LPCAT2: variants seen among roughly 807,000 people sequenced by gnomAD.
LPCAT2 encodes 1-AGP acyltransferase 11.
Under a neutral mutation model 64.7 loss-of-function variants are expected in LPCAT2, and 58 were observed. The ratio of observed to expected loss-of-function variants is 0.90; its 90% CI spans 0.73 to 1.12. The LOEUF (loss-of-function observed/expected upper bound fraction) is 1.12. LPCAT2 is among the 50% of genes most tolerant of loss of function. The pLI is 0.00. For missense variants in LPCAT2, 579 were observed against 669.8 expected (o/e 0.86, Z 1.50); for synonymous variants, 252 against 245.3 (o/e 1.03, Z -0.26).
At chr16:55,571,733 A>C (rs1963772624) in intron 11 of LPCAT2, among the ~76,000 whole-genome samples, 1 of 152,204 alleles carries the variant, frequency 6.6e-6, no homozygotes, top group Non-Finnish European at 1.5e-5. Context: ...TTTGACATTT[A>C]AGAATTAAAA....
At chr16:55,532,060 T>A in intron 5 of LPCAT2, 86 bp downstream of exon 5, 1 of 868,562 alleles carries the variant, frequency 1.2e-6, no homozygotes, top group South Asian at 1.4e-5. Flanking sequence ...AATAACTCTT[T>A]AGCTTGCTCT....
At chr16:55,523,056 C>A (rs1963120076) in intron 1 of LPCAT2, among the ~76,000 whole-genome samples, 1 of 151,482 alleles carries the variant, frequency 6.6e-6, no homozygotes, top group Admixed American at 6.6e-5. Flanking sequence ...CATATATTGA[C>A]AAAGGGCTTG....
At chr16:55,570,648 C>T (rs181782965) in intron 11 of LPCAT2, among the ~76,000 whole-genome samples, 23 of 152,052 alleles carry the variant, frequency 1.5e-4, no homozygotes, top group African/African-American at 5.3e-4. Context: ...AACAACTACC[C>T]GTATAGTGGG....
intron 2 of LPCAT2, among the ~76,000 whole-genome samples, chr16:55,527,004 A>G (rs1245110595): frequency 6.6e-6 from 1 of 152,128 alleles, no homozygotes. Context: ...AAAAAATAAG[A>G]GGTGTGGAAA....
intron 11 of LPCAT2, among the ~76,000 whole-genome samples, chr16:55,561,065 A>G (rs527653217): frequency 6.6e-6 from 1 of 152,134 alleles, no homozygotes; most frequent in South Asian, 2.1e-4. Context: ...TATAAATGGA[A>G]TCCTATAATG....
At chr16:55,579,610 A>C (rs1502007) in intron 13 of LPCAT2, among the ~76,000 whole-genome samples, 2 of 151,978 alleles carry the variant, frequency 1.3e-5, no homozygotes, top group African/African-American at 4.8e-5. Flanking sequence ...AAACAGTTTG[A>C]CTTTGGAGCC....
intron 1 of LPCAT2, among the ~76,000 whole-genome samples, chr16:55,518,702 G>C (rs995953090): frequency 6.6e-5 from 10 of 152,208 alleles, no homozygotes; most frequent in African/African-American, 2.4e-4. Context: ...GCAACAAATG[G>C]TCTGGGACAA....
At chr16:55,524,351 A>C (rs2142396137) in intron 1 of LPCAT2, among the ~76,000 whole-genome samples, 1 of 152,080 alleles carries the variant, frequency 6.6e-6, no homozygotes, top group African/African-American at 2.4e-5. Flanking sequence ...ATTTAAGAAC[A>C]GATAAAGTTA....
At chr16:55,553,413 A>T (rs1163287109) in intron 11 of LPCAT2, among the ~76,000 whole-genome samples, 1 of 152,244 alleles carries the variant, frequency 6.6e-6, no homozygotes, top group Non-Finnish European at 1.5e-5. Flanking sequence ...CAGCATCTTC[A>T]TCAGGAGTAG....
Position 55,583,689 on chromosome 16 carries a change from G to C in LPCAT2, c.*591G>C, listed in dbSNP as rs1025967378. On this transcript the variant is annotated 3_prime_UTR_variant, in exon 14 of 14. Coordinates refer to ENST00000262134, the MANE Select transcript of LPCAT2 (RefSeq NM_017839.5). ...CATCTCTATTGTAGTTTTTTGTTTT[G>C]TTTTGTTTTTTGAGATGGAGTCTTG... 5 of 153,104 alleles carry C rather than the reference G, an allele frequency of 3.3e-5. No individual in the cohort carries two copies. The highest frequency in any genetic ancestry group is 4.8e-5 in the African/African-American group (2 of 41,408). The allele number at this position is 153,104 out of a possible 1,614,324, so 9.5% of individuals were successfully genotyped here. A position where few individuals can be genotyped will look rare whatever the true frequency, so the allele number is the denominator to read the frequency against.
At chr16:55,581,379 A>G (rs1963885095) in intron 13 of LPCAT2, among the ~76,000 whole-genome samples, 1 of 152,218 alleles carries the variant, frequency 6.6e-6, no homozygotes, top group African/African-American at 2.4e-5. Context: ...AGTTTGCCTG[A>G]TTTAGAAATA....
intron 11 of LPCAT2, among the ~76,000 whole-genome samples, chr16:55,558,408 G>A (rs564913886): frequency 1.8e-4 from 27 of 152,326 alleles, no homozygotes; most frequent in African/African-American, 5.5e-4. Context: ...CCCTGGCAGC[G>A]GTATCTTCTG....
intron 11 of LPCAT2, among the ~76,000 whole-genome samples, chr16:55,556,433 T>G (rs541046241): frequency 3.9e-4 from 60 of 152,278 alleles, no homozygotes; most frequent in African/African-American, 1.4e-3. Context: ...TCTGTAGAGC[T>G]TTCCCTGTCC....
At chr16:55,536,034 A>G (rs1193851321) in intron 7 of LPCAT2, among the ~76,000 whole-genome samples, 4 of 152,180 alleles carry the variant, frequency 2.6e-5, no homozygotes, top group Admixed American at 6.5e-5. Context: ...AGGACTTTTA[A>G]ACAAACACAA....
rs1440169864 is a variant in LPCAT2 at position 55,582,830 on chromosome 16, C to G, written c.1451-84C>G. 1.2e-5 allele frequency: 10 copies of G among 834,936 alleles called. No homozygotes were observed. The South Asian group carries it at 1.7e-4, about 14-fold the overall frequency. The allele number at this position is 834,936 out of a possible 1,614,324, so 51.7% of individuals were successfully genotyped here. On this transcript the variant is annotated intron_variant, in intron 13 of 13. Coordinates refer to ENST00000262134, the MANE Select transcript of LPCAT2 (RefSeq NM_017839.5). ...GGGTAGTAGAATTTTGTAATAATTG[C>G]ATTATTAGAGTCATTTATTAATCTG... is the stretch of plus-strand genomic sequence containing the variant.
At chr16:55,519,037 G>T (rs1264991571) in intron 1 of LPCAT2, among the ~76,000 whole-genome samples, 1 of 152,154 alleles carries the variant, frequency 6.6e-6, no homozygotes, top group Non-Finnish European at 1.5e-5. Context: ...TTTGATAAGA[G>T]TAGAGTGTTC....
At chr16:55,570,036 T>C (rs755379550) in intron 11 of LPCAT2, among the ~76,000 whole-genome samples, 4 of 152,212 alleles carry the variant, frequency 2.6e-5, no homozygotes, top group Non-Finnish European at 5.9e-5. Context: ...ATTTAATCAA[T>C]GTAAATTGAA....
At chr16:55,545,937 G>C in intron 9 of LPCAT2, 120 bp downstream of exon 9, 1 of 671,208 alleles carries the variant, frequency 1.5e-6, no homozygotes, top group Non-Finnish European at 2.6e-6. Context: ...AATTCATTTT[G>C]ATACGTAAAA....
intron 13 of LPCAT2, among the ~76,000 whole-genome samples, 180 bp downstream of exon 13, chr16:55,579,424 C>A (rs1218569713): frequency 1.3e-5 from 2 of 152,106 alleles, no homozygotes; most frequent in African/African-American, 4.8e-5. Context: ...TTATTGAGGA[C>A]TTATATGCTA....
Sources: gnomAD v4.1 joint callset for allele counts (sites outside exome capture counted in the v4.1 genomes callset) on GRCh38, gnomAD v4.1.1 for gene constraint, MANE v1.5 for transcripts, NCBI Gene and HGNC (gene_info 2026-07-23, HGNC 2026-07-21) for gene names.